The following MUSK variants were observed in gnomAD, a reference collection of about 807,000 sequenced individuals.
MUSK encodes the protein muscle associated receptor tyrosine kinase.
In MUSK, 55 loss-of-function variants were observed where a neutral mutation model predicts 88.7. The observed-to-expected ratio is 0.62, with a 90% CI of 0.50 to 0.78. MUSK has a LOEUF of 0.78. Among genes scored for constraint, MUSK ranks in the 30% least tolerant of loss-of-function variants. The pLI, the probability that MUSK is intolerant of heterozygous loss-of-function variation, is 0.00. For synonymous variants in MUSK, 387 were observed against 391.9 expected, an observed-to-expected ratio of 0.99 and a Z score of 0.15; for missense variants, 1,015 against 1,074.3, an observed-to-expected ratio of 0.94 and a Z score of 0.77.
chr9:110,797,791 A>C (rs10759469), intron 14 of MUSK, among the ~76,000 whole-genome samples: 35,157 of 152,118 alleles, frequency 0.23, 4,307 homozygotes, highest in Admixed American at 0.31. Context: ...GTATACATTT[A>C]GTCATTAAAC....
At chr9:110,678,891 A>AC (rs1341981202) in intron 1 of MUSK, among the ~76,000 whole-genome samples, 2 of 72,876 alleles carry the variant, frequency 2.7e-5, no homozygotes, top group African/African-American at 2.1e-4. Flanking sequence ...CAGGATTGGG[A>AC]TTTTTTGTTT....
chr9:110,774,891 ACT>A (rs10531157), intron 9 of MUSK, among the ~76,000 whole-genome samples: 36,191 of 149,496 alleles, frequency 0.24, 4,696 homozygotes, highest in Admixed American at 0.33. Context: ...ACACACACAC[ACT>A]CTTACAATTT....
chr9:110,748,928 A>T (rs1192760506), intron 7 of MUSK, among the ~76,000 whole-genome samples: 1 of 152,224 alleles, frequency 6.6e-6, no homozygotes, highest in African/African-American at 2.4e-5. Context: ...CCATGTCTTC[A>T]GACACCATAT....
At chr9:110,756,694 C>T (rs2077329488) in intron 7 of MUSK, among the ~76,000 whole-genome samples, 1 of 152,142 alleles carries the variant, frequency 6.6e-6, no homozygotes, top group South Asian at 2.1e-4. Flanking sequence ...AATTCATCCC[C>T]TTTCTCCTTA....
chr9:110,760,137 G>C (rs2077376956), intron 7 of MUSK, among the ~76,000 whole-genome samples: 1 of 152,212 alleles, frequency 6.6e-6, no homozygotes, highest in African/African-American at 2.4e-5. Context: ...TTCAACCACT[G>C]TGGAAAGCAG....
intron 5 of MUSK, among the ~76,000 whole-genome samples, chr9:110,722,242 G>A (rs924866463): frequency 2.0e-5 from 3 of 151,962 alleles, no homozygotes; most frequent in African/African-American, 7.2e-5. Flanking sequence ...AAAATAGATG[G>A]GACTTGGCCG....
At chr9:110,687,842 C>T (rs1171694429) in intron 3 of MUSK, among the ~76,000 whole-genome samples, 3 of 152,130 alleles carry the variant, frequency 2.0e-5, no homozygotes, top group Non-Finnish European at 4.4e-5. Flanking sequence ...CTGACTTCTT[C>T]CACCCTGAAT....
At chr9:110,722,401 G>A (rs543082148) in intron 5 of MUSK, among the ~76,000 whole-genome samples, 43 of 152,018 alleles carry the variant, frequency 2.8e-4, no homozygotes, top group Admixed American at 1.0e-3. Flanking sequence ...GTGGTGGTAC[G>A]TGCCTGTAGT....
In MUSK at chr9:110,780,701, A is replaced by G. The variant is rs552642112; in HGVS notation, c.1384+4046A>G. Reference sequence around the variant, plus strand: ...CTCTTTTCTAGCTTCTAGTGTTGGAAGCAGGTAGTCTGGTGTGAATTTATT... The same window carrying G: ...CTCTTTTCTAGCTTCTAGTGTTGGAGGCAGGTAGTCTGGTGTGAATTTATT... On this transcript the variant is annotated intron_variant, in intron 11 of 14. Transcript: ENST00000374448. Among the ~76,000 whole-genome samples the G allele has an allele frequency of 2.0e-5, 3 of 152,300 alleles. No individual in the cohort carries two copies. In the East Asian group the frequency reaches 5.8e-4, roughly 29 times the overall value.
rs201804790 is a variant in MUSK, at chr9:110,767,828, A to C, written c.929A>C (p.Gln310Pro). The change falls in exon 9 of 15, where the codon CAG becomes CCG. Residue 310 changes from glutamine to proline, a missense_variant. By Grantham distance (76) the Gln-to-Pro change is moderately conservative. Coordinates refer to ENST00000374448, the MANE Select transcript of MUSK (RefSeq NM_005592.4). Reference sequence around the variant, plus strand: ...TTCATTTCTTCTTTCAGTAAACCACAGAAAGATAACAAAGGCTACTGCGCC... The same window carrying C: ...TTCATTTCTTCTTTCAGTAAACCACCGAAAGATAACAAAGGCTACTGCGCC... ...TISIAEWSKP[Q>P]KDNKGYCAQY... 5.0e-5 allele frequency: 81 copies of C among 1,613,892 alleles called. No individual in the cohort carries two copies. Among genetic ancestry groups the C allele is most frequent in the Non-Finnish European group, 6.7e-5 (79 of 1,179,866 alleles).
chr9:110,715,418 C>T lies in MUSK; in HGVS notation c.628+17952C>T, dbSNP rs1349036753. On this transcript the variant is annotated intron_variant, in intron 5 of 14. Transcript: ENST00000374448. ...AGCTAGTGAGAGTGAAGTGAGGATC[C>T]AATTCTACCACCTGGATTGCTGTTA... is the stretch of plus-strand genomic sequence containing the variant. 2.7e-5 allele frequency among the ~76,000 whole-genome samples: 4 copies of T among 148,850 alleles called. 1 individual carries two copies. Among genetic ancestry groups the T allele is most frequent in the African/African-American group, 1.0e-4 (4 of 38,886 alleles).
chr9:110,737,387 T>C (rs999948848), intron 6 of MUSK, among the ~76,000 whole-genome samples: 3 of 152,006 alleles, frequency 2.0e-5, no homozygotes, highest in African/African-American at 7.2e-5. Flanking sequence ...CATCCTCTTT[T>C]TGATGTCATT....
At chr9:110,764,380 CT>C (rs2077443464) in intron 8 of MUSK, among the ~76,000 whole-genome samples, 2 of 152,138 alleles carry the variant, frequency 1.3e-5, no homozygotes, top group South Asian at 2.1e-4. Flanking sequence ...CTGTGAGCTC[CT>C]TTTAAAAATG....
At chr9:110,724,906 G>A (rs1346752054) in intron 5 of MUSK, among the ~76,000 whole-genome samples, 1 of 151,710 alleles carries the variant, frequency 6.6e-6, no homozygotes, top group Non-Finnish European at 1.5e-5. Context: ...GTTTGAAAGA[G>A]GTCAAAAGTA....
At chr9:110,671,358 G>A (rs184407624) in intron 1 of MUSK, among the ~76,000 whole-genome samples, 34 of 152,172 alleles carry the variant, frequency 2.2e-4, no homozygotes, top group African/African-American at 8.0e-4. Context: ...TTGGCAGACG[G>A]TAATAACAAA....
chr9:110,716,415 T>C (rs2076744883), intron 5 of MUSK, among the ~76,000 whole-genome samples: 2 of 150,116 alleles, frequency 1.3e-5, no homozygotes, highest in Non-Finnish European at 2.9e-5. Context: ...CTCAGGAAAT[T>C]AATATTTGAG....
chr9:110,762,401 T>C (rs570314294), intron 8 of MUSK, among the ~76,000 whole-genome samples, 193 bp downstream of exon 8: 3 of 152,256 alleles, frequency 2.0e-5, no homozygotes, highest in African/African-American at 7.2e-5. Context: ...TTTAGAAACT[T>C]TCTAATTTCT....
chr9:110,733,571 TC>T (rs1778864297), intron 5 of MUSK, among the ~76,000 whole-genome samples: 1 of 151,688 alleles, frequency 6.6e-6, no homozygotes, highest in Admixed American at 6.6e-5. Flanking sequence ...ATCTAAAATA[TC>T]CTTTTTTTTT....
At chr9:110,708,393 G>T (rs959317905) in intron 5 of MUSK, among the ~76,000 whole-genome samples, 8 of 152,142 alleles carry the variant, frequency 5.3e-5, no homozygotes, top group Non-Finnish European at 1.0e-4. Flanking sequence ...CTCAGTGATT[G>T]CAGTTTTAAT....
Sources: allele counts gnomAD v4.1 joint callset (sites outside exome capture counted in the v4.1 genomes callset), GRCh38; gene constraint gnomAD v4.1.1; transcripts MANE v1.5; gene names NCBI Gene and HGNC (gene_info 2026-07-23, HGNC 2026-07-21).